Variants in ERICH3 observed in about 807,000 individuals in gnomAD.
ERICH3 encodes glutamate-rich protein 3.
Under a neutral mutation model 131.1 loss-of-function variants are expected in ERICH3, and 126 were observed. That is an observed-to-expected ratio of 0.96 (90% CI 0.83 to 1.11). ERICH3 has a LOEUF of 1.11. Among genes scored for constraint, ERICH3 ranks in the 50% most tolerant of loss-of-function variants. The probability of loss-of-function intolerance (pLI) is 0.00; values close to 1 mark genes in which losing one functional copy is unlikely to be tolerated. For missense variants in ERICH3, 2,050 were observed against 1,810.7 expected (o/e 1.13, Z -2.40); for synonymous variants, 695 against 644.6 (o/e 1.08, Z -1.18).
chr1:74,669,755 C>A (rs1309037536), intron 1 of ERICH3, among the ~76,000 whole-genome samples: 1 of 152,156 alleles, frequency 6.6e-6, no homozygotes, highest in African/African-American at 2.4e-5. Context: ...CCGGCACAGG[C>A]CCTTTGCAAT....
chr1:74,631,835 G>A lies in ERICH3; in HGVS notation c.697C>T (p.Pro233Ser). Residue 233 changes from proline to serine, a missense_variant, in exon 7 of 15, where the codon CCT (proline) becomes TCT (serine). Transcript: ENST00000326665. Reference protein sequence around the residue: ...QLPNINSYMMPIPPPLPPTGK... With the variant: ...QLPNINSYMMSIPPPLPPTGK... The stretch of plus-strand genomic sequence containing the variant: ...GTTGGGGGAAGTGGAGGAGGAATAG[G>A]CATCATGTAACTGTTAATGTTTGGA... The A allele has an allele frequency of 1.2e-6, 2 of 1,613,362 alleles. No homozygotes were observed. Among genetic ancestry groups the A allele is most frequent in the Non-Finnish European group, 8.5e-7 (1 of 1,179,484 alleles).
intron 1 of ERICH3, among the ~76,000 whole-genome samples, chr1:74,666,533 A>AG (rs1484131809): frequency 6.6e-6 from 1 of 152,172 alleles, no homozygotes; most frequent in Non-Finnish European, 1.5e-5. Flanking sequence ...CAAAAAGGCA[A>AG]GCTCTCAGGT....
intron 11 of ERICH3, among the ~76,000 whole-genome samples, chr1:74,591,363 AT>A (rs1464420666): frequency 6.6e-6 from 1 of 152,180 alleles, no homozygotes; most frequent in Non-Finnish European, 1.5e-5. Flanking sequence ...CATGTAAGCT[AT>A]ATTAGGATGT....
At chr1:74,613,949 T>C (rs1396503949) in intron 8 of ERICH3, among the ~76,000 whole-genome samples, 2 of 152,218 alleles carry the variant, frequency 1.3e-5, no homozygotes, top group Non-Finnish European at 2.9e-5. Context: ...CTCTCTACTA[T>C]GTACGCATTT....
At position 74,589,920 on chromosome 1, in the gene ERICH3, T is replaced by C. The variant is rs1294291948; in HGVS notation, c.1887A>G (p.Pro629=). The C allele has an allele frequency of 1.2e-6, 2 of 1,613,968 alleles. No homozygotes were observed. The highest frequency in any genetic ancestry group is 2.7e-5 in the African/African-American group (2 of 74,914). Residue 629 remains proline, a synonymous_variant, in exon 12 of 15, where the codon CCA becomes CCG. Transcript: ENST00000326665. ...CCTCAATTGGAAGGTGAGACTTTCT[T>C]GGCTTATCATTTTCACTCAGTTCCT... ...SSQELSENDK[P]RKSHLPIEES...
intron 9 of ERICH3, among the ~76,000 whole-genome samples, chr1:74,609,086 C>T (rs563312718): frequency 5.3e-5 from 8 of 152,158 alleles, no homozygotes; most frequent in African/African-American, 1.9e-4. Flanking sequence ...ATTATGATTA[C>T]TAAAGCTCAA....
At chr1:74,589,340 C>T (rs920507311) in intron 12 of ERICH3, 4 of 526,084 alleles carry the variant, frequency 7.6e-6, no homozygotes, top group African/African-American at 3.8e-5. Flanking sequence ...CCTTCAGACA[C>T]ATACTGTGCT....
At chr1:74,649,466 C>A in intron 1 of ERICH3, 151 bp from the exon 2 acceptor site, 1 of 536,142 alleles carries the variant, frequency 1.9e-6, no homozygotes, top group Non-Finnish European at 3.3e-6. Context: ...TGTATTGAGT[C>A]CCTATTCTTT....
At chr1:74,656,425 C>T (rs1330834757) in intron 1 of ERICH3, among the ~76,000 whole-genome samples, 4 of 152,138 alleles carry the variant, frequency 2.6e-5, no homozygotes, top group African/African-American at 4.8e-5. Flanking sequence ...GAAACAACTC[C>T]ATCACAAAAT....
intron 11 of ERICH3, among the ~76,000 whole-genome samples, chr1:74,596,537 T>C (rs1211352874): frequency 6.6e-6 from 1 of 152,070 alleles, no homozygotes; most frequent in African/African-American, 2.4e-5. Flanking sequence ...TGTTATTCGC[T>C]ATAGTCACCC....
At chr1:74,583,325 A>T (rs1027494938) in intron 12 of ERICH3, among the ~76,000 whole-genome samples, 1 of 152,110 alleles carries the variant, frequency 6.6e-6, no homozygotes, top group African/African-American at 2.4e-5. Flanking sequence ...ATAGTATCAA[A>T]CTCTATATAT....
At chr1:74,641,989 G>T (rs17095694) in intron 4 of ERICH3, among the ~76,000 whole-genome samples, 1,651 of 152,164 alleles carry the variant, frequency 0.011, 36 homozygotes, top group African/African-American at 0.038. Context: ...GGGCAAGGGT[G>T]AATAACACAC....
chr1:74,631,895 T>A lies in ERICH3; in HGVS notation c.637A>T (p.Ile213Leu), dbSNP rs1372195011. The A allele has an allele frequency of 6.2e-7, 1 of 1,613,298 alleles. No individual in the cohort carries two copies. The highest frequency in any genetic ancestry group is 2.2e-5 in the East Asian group (1 of 44,838). ...KKAVMKFRNS[I>L]GNSQRMNSYQ... is the part of the protein sequence containing the mutation. ...GAATTCATTCTCTGTGAATTGCCTA[T>A]GGAGTTCCTGAACTTCATCACTGCC... The change falls in exon 7 of 15, where the codon ATA becomes TTA. Residue 213 changes from isoleucine (I) to leucine (L), a missense_variant. Ile to Leu is a conservative substitution (Grantham distance 5). Transcript: ENST00000326665.
chr1:74,652,595 G>A (rs955563935), intron 1 of ERICH3, among the ~76,000 whole-genome samples: 9 of 151,296 alleles, frequency 5.9e-5, no homozygotes, highest in Non-Finnish European at 1.2e-4. Flanking sequence ...GCTGACTAAG[G>A]TCACCTTGCT....
intron 12 of ERICH3, among the ~76,000 whole-genome samples, chr1:74,581,583 A>G (rs1469637972): frequency 6.6e-6 from 1 of 152,184 alleles, no homozygotes; most frequent in Non-Finnish European, 1.5e-5. Flanking sequence ...TAAATAATTT[A>G]TAGCTTTATT....
At chr1:74,646,438 C>T (rs1326547925) in intron 3 of ERICH3, among the ~76,000 whole-genome samples, 1 of 151,964 alleles carries the variant, frequency 6.6e-6, no homozygotes, top group Non-Finnish European at 1.5e-5. Context: ...AAAGCTTACG[C>T]TAGACTTCTG....
intron 12 of ERICH3, among the ~76,000 whole-genome samples, chr1:74,582,964 CT>C (rs1251274046): frequency 9.9e-5 from 15 of 152,010 alleles, no homozygotes; most frequent in Admixed American, 9.8e-4. Flanking sequence ...TTGTTTCTTT[CT>C]TTCTCTTTTC....
At position 74,641,598 on chromosome 1, in the gene ERICH3, G is replaced by A. The variant is rs1202632055; in HGVS notation, c.316-139C>T. The A allele has an allele frequency of 2.3e-5, 24 of 1,040,792 alleles. No individual in the cohort carries two copies. The East Asian group carries it at 6.6e-4, about 29-fold the overall frequency. 64.5% of individuals were successfully genotyped at this position (1,040,792 alleles called of 1,614,324 possible). ...AAGAGTTACTTTTGTTAAGGAGTTA[G>A]GTGTGGTGGTAAGGCAAGAAATTGA... On this transcript the variant is annotated intron_variant, in intron 4 of 14. Coordinates refer to ENST00000326665, the MANE Select transcript of ERICH3 (RefSeq NM_001002912.5).
At chr1:74,668,230 C>A (rs1328331276) in intron 1 of ERICH3, among the ~76,000 whole-genome samples, 1 of 152,150 alleles carries the variant, frequency 6.6e-6, no homozygotes, top group African/African-American at 2.4e-5. Flanking sequence ...TAAAATTGAT[C>A]TTCCTGAAAA....
Sources: gnomAD v4.1 joint callset for allele counts (sites outside exome capture counted in the v4.1 genomes callset) on GRCh38, gnomAD v4.1.1 for gene constraint, MANE v1.5 for transcripts, NCBI Gene and HGNC (gene_info 2026-07-23, HGNC 2026-07-21) for gene names.